The following ERC2 variants were observed in gnomAD, a reference collection of about 807,000 sequenced individuals.
The protein encoded by ERC2 is ERC protein 2.
A neutral mutation model predicts 114.8 loss-of-function variants in ERC2; 42 were observed. The ratio of observed to expected loss-of-function variants is 0.37; its 90% CI spans 0.29 to 0.47. The LOEUF (loss-of-function observed/expected upper bound fraction) is 0.47. Ranked by LOEUF, ERC2 falls within the 20% of genes least tolerant of loss-of-function variation. The pLI is 0.99. For missense variants in ERC2, 939 were observed against 1,150.7 expected (o/e 0.82, Z 2.66); for synonymous variants, 454 against 425.5 (o/e 1.07, Z -0.82).
At chr3:56,349,435 T>G (rs570167855) in intron 2 of ERC2, among the ~76,000 whole-genome samples, 1 of 152,358 alleles carries the variant, frequency 6.6e-6, no homozygotes, top group East Asian at 1.9e-4. Flanking sequence ...AATTACCAGA[T>G]GTGAACTAAG....
chr3:55,687,725 G>A (rs2062408093), intron 16 of ERC2, among the ~76,000 whole-genome samples: 2 of 152,176 alleles, frequency 1.3e-5, no homozygotes, highest in African/African-American at 2.4e-5. Flanking sequence ...CCAGGACTTT[G>A]CAACGTTTGG....
intron 2 of ERC2, among the ~76,000 whole-genome samples, chr3:56,402,278 T>C (rs776864448): frequency 1.9e-4 from 29 of 152,188 alleles, no homozygotes; most frequent in Non-Finnish European, 4.0e-4. Flanking sequence ...AAGGGGCAGA[T>C]TATGCAGAAA....
intron 3 of ERC2, among the ~76,000 whole-genome samples, chr3:56,175,127 C>G (rs992605338): frequency 6.6e-6 from 1 of 152,138 alleles, no homozygotes; most frequent in Non-Finnish European, 1.5e-5. Flanking sequence ...TTGCCAGTGG[C>G]CCAAGAAATC....
chr3:55,799,107 C>T (rs1214725425), intron 14 of ERC2, among the ~76,000 whole-genome samples: 1 of 151,926 alleles, frequency 6.6e-6, no homozygotes, highest in Non-Finnish European at 1.5e-5. Flanking sequence ...CTAGTAGGGG[C>T]CATGTACAGC....
chr3:56,386,278 T>C (rs1397439156), intron 2 of ERC2, among the ~76,000 whole-genome samples: 1 of 152,114 alleles, frequency 6.6e-6, no homozygotes, highest in Non-Finnish European at 1.5e-5. Context: ...GTATTCTACA[T>C]TAAAATAAAT....
chr3:55,772,408 G>A (rs1035958476), intron 14 of ERC2, among the ~76,000 whole-genome samples: 8 of 151,402 alleles, frequency 5.3e-5, no homozygotes, highest in African/African-American at 7.3e-5. Context: ...TCCGCCTCCC[G>A]GGTTCATGCC....
At chr3:55,583,974 G>T (rs1323970252) in intron 17 of ERC2, among the ~76,000 whole-genome samples, 2 of 152,148 alleles carry the variant, frequency 1.3e-5, no homozygotes, top group Non-Finnish European at 2.9e-5. Flanking sequence ...CTTATTATGT[G>T]ATTCTGGTTA....
chr3:55,992,380 G>C, intron 10 of ERC2, 130 bp from the exon 11 acceptor site: 2 of 679,178 alleles, frequency 2.9e-6, no homozygotes, highest in Non-Finnish European at 4.6e-6. Flanking sequence ...TATATTGTCA[G>C]TGAAAAGGCA....
chr3:56,359,602 C>T (rs2058870741), intron 2 of ERC2, among the ~76,000 whole-genome samples: 1 of 152,208 alleles, frequency 6.6e-6, no homozygotes, highest in Non-Finnish European at 1.5e-5. Flanking sequence ...GTGTCTTAGT[C>T]CATTTGTGTT....
rs142270088 is a variant in ERC2 at position 55,578,033 on chromosome 3, A to G, written c.*40-66757T>C. Among the ~76,000 whole-genome samples the G allele has an allele frequency of 2.0e-5, 3 of 152,314 alleles. No individual in the cohort carries two copies. The East Asian group carries it at 5.8e-4, about 29-fold the overall frequency. ...ACATGGGAAACCTCACTGGGTAAAC[A>G]GCAGGCTCTAAACAAGGCAGGATAT... On this transcript the variant is annotated intron_variant, in intron 17 of 17. Transcript: ENST00000288221.
chr3:55,519,148 C>T (rs1049043497), intron 17 of ERC2, among the ~76,000 whole-genome samples: 2 of 152,140 alleles, frequency 1.3e-5, no homozygotes, highest in African/African-American at 4.8e-5. Flanking sequence ...AGGTTACCTG[C>T]AGAGGGAAAA....
intron 7 of ERC2, among the ~76,000 whole-genome samples, 192 bp downstream of exon 7, chr3:56,080,625 A>G (rs1445840671): frequency 6.6e-6 from 1 of 152,210 alleles, no homozygotes; most frequent in Non-Finnish European, 1.5e-5. Flanking sequence ...TAGGTAATCA[A>G]ATAGAAAATT....
chr3:55,623,928 A>G (rs1349413713), intron 17 of ERC2, among the ~76,000 whole-genome samples: 1 of 152,236 alleles, frequency 6.6e-6, no homozygotes, highest in Non-Finnish European at 1.5e-5. Flanking sequence ...AGCACTGGGT[A>G]ACAAGCATTT....
At chr3:55,897,827 T>C (rs1222635000) in intron 13 of ERC2, among the ~76,000 whole-genome samples, 1 of 152,170 alleles carries the variant, frequency 6.6e-6, no homozygotes, top group Non-Finnish European at 1.5e-5. Flanking sequence ...TTGGAAAAGG[T>C]TGAAACTGAA....
chr3:55,958,872 G>A (rs1258217015), intron 12 of ERC2, among the ~76,000 whole-genome samples: 1 of 152,190 alleles, frequency 6.6e-6, no homozygotes, highest in Non-Finnish European at 1.5e-5. Context: ...GAGAGCGCAG[G>A]GATGCATGGG....
intron 17 of ERC2, among the ~76,000 whole-genome samples, chr3:55,638,688 C>A (rs1395882077): frequency 6.6e-6 from 1 of 152,166 alleles, no homozygotes; most frequent in African/African-American, 2.4e-5. Context: ...TTAATAAATA[C>A]ACAGCATTCA....
At chr3:55,522,078 T>G (rs1363578009) in intron 17 of ERC2, among the ~76,000 whole-genome samples, 8 of 152,240 alleles carry the variant, frequency 5.3e-5, no homozygotes, top group African/African-American at 1.4e-4. Context: ...AGGGGCTAAA[T>G]GGAGTTTTGC....
At chr3:55,815,748 C>T (rs1415462808) in intron 14 of ERC2, among the ~76,000 whole-genome samples, 1 of 152,184 alleles carries the variant, frequency 6.6e-6, no homozygotes, top group Non-Finnish European at 1.5e-5. Context: ...CCAGATGTAG[C>T]GGACTCTAAC....
At chr3:55,684,977 C>T (rs1303761505) in intron 16 of ERC2, among the ~76,000 whole-genome samples, 4 of 152,170 alleles carry the variant, frequency 2.6e-5, no homozygotes, top group African/African-American at 9.6e-5. Context: ...TTGTTACACT[C>T]TTAGGTTGAA....
Sources: gnomAD v4.1 joint callset for allele counts (sites outside exome capture counted in the v4.1 genomes callset) on GRCh38, gnomAD v4.1.1 for gene constraint, MANE v1.5 for transcripts, NCBI Gene and HGNC (gene_info 2026-07-23, HGNC 2026-07-21) for gene names.